AP1G1: variants seen among roughly 807,000 people sequenced by gnomAD.
AP1G1 encodes AP-1 complex subunit gamma-1.
Under a neutral mutation model 108.3 loss-of-function variants are expected in AP1G1, and 7 were observed. The ratio of observed to expected loss-of-function variants is 0.06; its 90% CI spans 0.04 to 0.12. The LOEUF is 0.12. Among genes scored for constraint, AP1G1 ranks in the 10% least tolerant of loss-of-function variants. The probability of loss-of-function intolerance (pLI) is 1.00; values close to 1 mark genes in which losing one functional copy is unlikely to be tolerated. For missense variants in AP1G1, 756 were observed against 1,010.7 expected (o/e 0.75, Z 3.42); for synonymous variants, 379 against 353.5 (o/e 1.07, Z -0.81).
At chr16:71,737,815 T>A (rs1199918182) in intron 21 of AP1G1, among the ~76,000 whole-genome samples, 1 of 152,292 alleles carries the variant, frequency 6.6e-6, no homozygotes, top group African/African-American at 2.4e-5. Context: ...AAACCAGTGG[T>A]TGGCAAACTA....
chr16:71,734,210 A>C (rs556622008), intron 22 of AP1G1, among the ~76,000 whole-genome samples: 2 of 152,258 alleles, frequency 1.3e-5, no homozygotes, highest in Admixed American at 1.3e-4. Flanking sequence ...TTCTAAAGCT[A>C]TTTTTCATTT....
chr16:71,807,884 T>C, intron 1 of AP1G1: 1 of 1,285,078 alleles, frequency 7.8e-7, no homozygotes, highest in Non-Finnish European at 1.0e-6. Flanking sequence ...CACACAAGTG[T>C]CAGTAAGCAC....
intron 19 of AP1G1, chr16:71,743,007 A>G (rs2029944306): frequency 6.6e-6 from 1 of 152,024 alleles, no homozygotes; most frequent in African/African-American, 2.4e-5. Context: ...ACTACCCAAT[A>G]CTAACGAACT....
chr16:71,797,877 T>G (rs962844022), intron 1 of AP1G1, among the ~76,000 whole-genome samples: 8 of 152,178 alleles, frequency 5.3e-5, no homozygotes, highest in Non-Finnish European at 1.0e-4. Context: ...CTATTAATTC[T>G]GGATATACAA....
chr16:71,795,370 G>C (rs879762313), intron 1 of AP1G1, among the ~76,000 whole-genome samples: 1 of 152,032 alleles, frequency 6.6e-6, no homozygotes, highest in Non-Finnish European at 1.5e-5. Flanking sequence ...AGTCTTTCTG[G>C]CTAAACAATG....
chr16:71,768,786 G>A (rs1312303180), intron 6 of AP1G1, among the ~76,000 whole-genome samples: 1 of 150,412 alleles, frequency 6.6e-6, no homozygotes, highest in Non-Finnish European at 1.5e-5. Flanking sequence ...GTGGTGCCAG[G>A]CACCTGCAGT....
intron 1 of AP1G1, among the ~76,000 whole-genome samples, chr16:71,798,893 GAA>G (rs796407724): frequency 7.3e-6 from 1 of 137,350 alleles, no homozygotes. Flanking sequence ...TGTCTCCCAG[GAA>G]AAAAAAAAAG....
chr16:71,784,848 C>G (rs1010430166), intron 2 of AP1G1, among the ~76,000 whole-genome samples: 2 of 151,228 alleles, frequency 1.3e-5, no homozygotes, highest in Non-Finnish European at 2.9e-5. Flanking sequence ...CGTAAGTCAC[C>G]GTGTCCATCC....
At chr16:71,765,372 T>A in intron 7 of AP1G1, 117 bp downstream of exon 7, 1 of 637,232 alleles carries the variant, frequency 1.6e-6, no homozygotes, top group Non-Finnish European at 2.7e-6. Context: ...TTCATTAATA[T>A]AATTAATCAA....
rs574178587 is a variant in AP1G1, at chr16:71,789,179, A to C, written c.201+100T>G. 3.6e-5 allele frequency: 39 copies of C among 1,089,688 alleles called. No individual in the cohort carries two copies. The African/African-American group carries it at 5.6e-4, about 16-fold the overall frequency. 67.5% of individuals were successfully genotyped at this position (1,089,688 alleles called of 1,614,324 possible). ...CTCAGTTCCACAATGATCAGACTAC[A>C]AGGCTATCAAAAGTACCTCCCCACC... is the stretch of plus-strand genomic sequence containing the variant. On this transcript the variant is annotated intron_variant, in intron 2 of 22. Transcript: ENST00000299980.
At chr16:71,807,482 A>G (rs1053960168) in intron 1 of AP1G1, among the ~76,000 whole-genome samples, 3 of 152,218 alleles carry the variant, frequency 2.0e-5, no homozygotes, top group Non-Finnish European at 2.9e-5. Flanking sequence ...AGCATGCTAG[A>G]CTGCAAACAT....
chr16:71,772,550 A>T (rs1391603389), intron 4 of AP1G1, among the ~76,000 whole-genome samples: 5 of 152,222 alleles, frequency 3.3e-5, no homozygotes, highest in African/African-American at 7.2e-5. Flanking sequence ...AAAATAATTT[A>T]ACTTTGTTTG....
At chr16:71,800,372 CAAAAA>C (rs1204514110) in intron 1 of AP1G1, among the ~76,000 whole-genome samples, 3 of 62,710 alleles carry the variant, frequency 4.8e-5, no homozygotes, top group Non-Finnish European at 3.8e-5. Context: ...CTCCCCATCT[CAAAAA>C]AAAAAAAAAA....
At chr16:71,769,549 GA>G (rs1567653035) in intron 6 of AP1G1, 73 bp downstream of exon 6, 1 of 1,394,314 alleles carries the variant, frequency 7.2e-7, no homozygotes, top group Admixed American at 1.7e-5. Flanking sequence ...AAAAAAATAA[GA>G]AGAAAATCAT....
chr16:71,761,401 G>A, intron 10 of AP1G1, 111 bp downstream of exon 10: 2 of 806,052 alleles, frequency 2.5e-6, no homozygotes, highest in Non-Finnish European at 4.2e-6. Context: ...AAAATTCTGA[G>A]CTAAAAGTTC....
chr16:71,736,117 A>AAAAAAAAAAAAAAAAAT (rs1555550846), intron 21 of AP1G1, among the ~76,000 whole-genome samples: 5 of 71,634 alleles, frequency 7.0e-5, no homozygotes, highest in East Asian at 4.8e-4. Flanking sequence ...AAAAAAAAAA[A>AAAAAAAAAAAAAAAAAT]ATATATATAT....
rs762173399 is a variant in AP1G1 at position 71,739,242 on chromosome 16, A to G, written c.2099T>C (p.Ile700Thr). Residue 700 changes from isoleucine to threonine, a missense_variant, in exon 20 of 23, where the codon ATT becomes ACT. Physicochemically the swap from Ile to Thr is moderately conservative, Grantham distance 89. This residue lies in a region of AP1G1 where 95 missense variants were observed against 160.5 expected (regional missense o/e 0.59). Transcript: ENST00000299980. ...AACAACAGTCATCGTACCTGCAGCAATATCATTGAAGAGAGGCTGTGATGA... is the reference window on the plus strand; with the variant it reads ...AACAACAGTCATCGTACCTGCAGCAGTATCATTGAAGAGAGGCTGTGATGA... ...GLSSQPLFND[I>T]AAGIPSITAY... The G allele has an allele frequency of 6.2e-6, 10 of 1,613,318 alleles. No individual in the cohort carries two copies. The highest frequency in any genetic ancestry group is 4.0e-5 in the African/African-American group (3 of 74,876).
At chr16:71,804,093 C>A (rs2032910953) in intron 1 of AP1G1, among the ~76,000 whole-genome samples, 2 of 151,774 alleles carry the variant, frequency 1.3e-5, no homozygotes, top group Admixed American at 1.3e-4. Flanking sequence ...TGTCCCCAGG[C>A]TGGAGTGCAG....
At chr16:71,797,696 G>A (rs560341846) in intron 1 of AP1G1, among the ~76,000 whole-genome samples, 1 of 152,260 alleles carries the variant, frequency 6.6e-6, no homozygotes, top group South Asian at 2.1e-4. Context: ...CTACTCAGGA[G>A]GCTGAGGCAG....
Sources: allele counts gnomAD v4.1 joint callset (sites outside exome capture counted in the v4.1 genomes callset), GRCh38; gene constraint gnomAD v4.1.1; regional missense constraint gnomAD v4.1.1; transcripts MANE v1.5; gene names NCBI Gene and HGNC (gene_info 2026-07-23, HGNC 2026-07-21).